The following ZMYM4 variants were observed in gnomAD, a reference collection of about 807,000 sequenced individuals.
The protein encoded by ZMYM4 is zinc finger MYM-type protein 4.
Under a neutral mutation model 183.2 loss-of-function variants are expected in ZMYM4, and 31 were observed. The ratio of observed to expected loss-of-function variants is 0.17; its 90% confidence interval spans 0.13 to 0.23. The LOEUF (loss-of-function observed/expected upper bound fraction) is 0.23. Ranked by LOEUF, ZMYM4 falls within the 10% of genes least tolerant of loss-of-function variation. The probability of loss-of-function intolerance (pLI) is 1.00; values close to 1 mark genes in which losing one functional copy is unlikely to be tolerated. For missense variants in ZMYM4, 1,273 were observed against 1,840.3 expected (o/e 0.69, Z 5.64); for synonymous variants, 592 against 631.2 (o/e 0.94, Z 0.93).
intron 2 of ZMYM4, among the ~76,000 whole-genome samples, chr1:35,332,683 G>T (rs1399922789): frequency 6.6e-6 from 1 of 151,886 alleles, no homozygotes; most frequent in African/African-American, 2.4e-5. Flanking sequence ...AGTGAATAAG[G>T]CATAAGTTAT....
chr1:35,318,205 C>T lies in ZMYM4; in HGVS notation c.40-7155C>T, dbSNP rs185848573. 9.3e-5 allele frequency among the ~76,000 whole-genome samples: 14 copies of T among 150,948 alleles called. 2 individuals carry two copies. Among genetic ancestry groups the T allele is most frequent in the African/African-American group, 2.7e-4 (11 of 41,110 alleles). ...TCCCGAGTAGCTGTGACTACAGGCA[C>T]GTGCCACCATGCCTGGCAATTTTTG... is the stretch of plus-strand genomic sequence containing the variant. On this transcript the variant is annotated intron_variant, in intron 1 of 29. Coordinates refer to ENST00000314607, the MANE Select transcript of ZMYM4 (RefSeq NM_005095.3).
chr1:35,407,889 T>C, intron 25 of ZMYM4, 119 bp from the exon 26 acceptor site: 4 of 1,254,394 alleles, frequency 3.2e-6, no homozygotes, highest in Admixed American at 4.1e-5. Context: ...TTAATCCATA[T>C]ACCCACTAGT....
intron 2 of ZMYM4, among the ~76,000 whole-genome samples, chr1:35,329,149 G>C (rs1642628978): frequency 6.6e-6 from 1 of 152,184 alleles, no homozygotes; most frequent in African/African-American, 2.4e-5. Context: ...GAGAAATCTA[G>C]TTTAAACATG....
At chr1:35,296,879 C>T (rs598262) in intron 1 of ZMYM4, among the ~76,000 whole-genome samples, 1,068 of 78,852 alleles carry the variant, frequency 0.014, 19 homozygotes, top group Middle Eastern at 0.073. Flanking sequence ...ATGGGAGTTT[C>T]GCTCTTATTG....
chr1:35,320,767 A>G (rs948621318), intron 1 of ZMYM4, among the ~76,000 whole-genome samples: 6 of 152,198 alleles, frequency 3.9e-5, no homozygotes, highest in Admixed American at 3.3e-4. Flanking sequence ...GTGTGATGAA[A>G]AAGTCCCACA....
chr1:35,384,454 C>T (rs1001238021), intron 9 of ZMYM4, among the ~76,000 whole-genome samples: 2 of 152,084 alleles, frequency 1.3e-5, no homozygotes, highest in African/African-American at 4.8e-5. Flanking sequence ...AAAAATTATC[C>T]TGAATGTGTG....
At chr1:35,382,277 T>C (rs1644480135) in intron 9 of ZMYM4, among the ~76,000 whole-genome samples, 1 of 150,722 alleles carries the variant, frequency 6.6e-6, no homozygotes, top group Admixed American at 6.6e-5. Flanking sequence ...TATATATATG[T>C]ATATATACAT....
At chr1:35,269,323 C>A (rs373279012) in intron 1 of ZMYM4, among the ~76,000 whole-genome samples, 9 of 152,238 alleles carry the variant, frequency 5.9e-5, no homozygotes, top group South Asian at 4.1e-4. Flanking sequence ...CTTCCTCCCC[C>A]CGACGTTCCC....
chr1:35,356,739 TA>T (rs1643831897), intron 2 of ZMYM4, among the ~76,000 whole-genome samples: 1 of 152,210 alleles, frequency 6.6e-6, no homozygotes, highest in South Asian at 2.1e-4. Context: ...GGTTTCCTAA[TA>T]AATATGTACT....
At chr1:35,394,639 A>G (rs1308985903) in intron 18 of ZMYM4, among the ~76,000 whole-genome samples, 2 of 152,220 alleles carry the variant, frequency 1.3e-5, no homozygotes, top group African/African-American at 4.8e-5. Flanking sequence ...GAAATGTCAC[A>G]GACTTTCACT....
intron 5 of ZMYM4, chr1:35,366,119 C>G (rs1419078420): frequency 2.6e-5 from 4 of 152,094 alleles, no homozygotes; most frequent in Non-Finnish European, 5.9e-5. Context: ...TTCTTTAATA[C>G]ACTATATAAT....
At chr1:35,276,468 A>G (rs897337303) in intron 1 of ZMYM4, among the ~76,000 whole-genome samples, 2 of 152,152 alleles carry the variant, frequency 1.3e-5, no homozygotes, top group Admixed American at 6.6e-5. Flanking sequence ...GAGTTCCTTA[A>G]TCCAGTCTGT....
At chr1:35,398,838 G>A in intron 21 of ZMYM4, 26 bp from the exon 22 acceptor site, 1 of 1,607,680 alleles carries the variant, frequency 6.2e-7, no homozygotes, top group East Asian at 2.2e-5. Context: ...TATTTTGAGG[G>A]CTTAATTGTT....
chr1:35,388,111 A>AAGG (rs1358430688), intron 13 of ZMYM4, among the ~76,000 whole-genome samples: 1 of 152,240 alleles, frequency 6.6e-6, no homozygotes, highest in East Asian at 1.9e-4. Flanking sequence ...CTTCTAGAGC[A>AAGG]AGGGCTTTCA....
chr1:35,405,766 T>G (rs1252263572), intron 25 of ZMYM4, among the ~76,000 whole-genome samples: 6 of 27,840 alleles, frequency 2.2e-4, no homozygotes, highest in African/African-American at 6.7e-4. Context: ...CAGTTTTTTT[T>G]TTGTTTTTTT....
intron 1 of ZMYM4, among the ~76,000 whole-genome samples, chr1:35,314,732 A>C (rs1373069451): frequency 1.5e-5 from 2 of 129,810 alleles, no homozygotes; most frequent in Non-Finnish European, 3.1e-5. Flanking sequence ...GAAGTCATTA[A>C]AAAAATAATT....
chr1:35,387,736 AT>A, intron 13 of ZMYM4, 132 bp downstream of exon 13: 1 of 904,458 alleles, frequency 1.1e-6, no homozygotes, highest in Non-Finnish European at 1.6e-6. Context: ...TTTTCGATTC[AT>A]TTACACTTAG....
chr1:35,316,289 G>A (rs1450971311), intron 1 of ZMYM4, among the ~76,000 whole-genome samples: 2 of 152,202 alleles, frequency 1.3e-5, no homozygotes, highest in Non-Finnish European at 2.9e-5. Context: ...AAGACCTACT[G>A]TGTATTTGGT....
chr1:35,320,142 G>A (rs1642221721), intron 1 of ZMYM4, among the ~76,000 whole-genome samples: 1 of 152,210 alleles, frequency 6.6e-6, no homozygotes, highest in African/African-American at 2.4e-5. Flanking sequence ...AGTGATAAGT[G>A]TGGATTGTGT....
Sources: gnomAD v4.1 joint callset for allele counts (sites outside exome capture counted in the v4.1 genomes callset) on GRCh38, gnomAD v4.1.1 for gene constraint, MANE v1.5 for transcripts, NCBI Gene and HGNC (gene_info 2026-07-23, HGNC 2026-07-21) for gene names.